PGM5: variants seen among roughly 807,000 people sequenced by gnomAD.
The protein encoded by PGM5 is phosphoglucomutase 5, also known as phosphoglucomutase-like protein 5.
PGM5 carries 23 observed loss-of-function variants against 59.2 expected under a neutral mutation model. That is an observed-to-expected ratio of 0.39 (90% CI 0.28 to 0.55). PGM5 has a LOEUF of 0.55. Among genes scored for constraint, PGM5 ranks in the 20% least tolerant of loss-of-function variants. PGM5 has a pLI of 0.66. For synonymous variants in PGM5, 214 were observed against 286.0 expected, an observed-to-expected ratio of 0.75 and a Z score of 2.54; for missense variants, 574 against 748.3, an observed-to-expected ratio of 0.77 and a Z score of 2.72.
intron 10 of PGM5, among the ~76,000 whole-genome samples, chr9:68,528,996 T>C (rs1825035262): frequency 6.6e-6 from 1 of 152,102 alleles, no homozygotes; most frequent in South Asian, 2.1e-4. Context: ...GCCCACCTCC[T>C]CCAGAAAACC....
intron 10 of PGM5, among the ~76,000 whole-genome samples, chr9:68,511,320 G>GTC (rs1554689335): frequency 6.6e-6 from 1 of 152,114 alleles, no homozygotes; most frequent in East Asian, 1.9e-4. Context: ...ATCTCTAAAT[G>GTC]TCAACAGCTA....
chr9:68,385,613 G>A (rs1554678792), intron 3 of PGM5, among the ~76,000 whole-genome samples: 1 of 152,000 alleles, frequency 6.6e-6, no homozygotes. Flanking sequence ...AGAATGCATA[G>A]GCATATGTGT....
intron 8 of PGM5, among the ~76,000 whole-genome samples, chr9:68,479,789 C>G (rs530275279): frequency 3.5e-4 from 53 of 152,260 alleles, no homozygotes; most frequent in African/African-American, 1.1e-3. Context: ...AAAAAATTAG[C>G]TGGGCGTAGT....
chr9:68,422,107 A>G (rs1587803818), intron 6 of PGM5, among the ~76,000 whole-genome samples: 1 of 151,966 alleles, frequency 6.6e-6, no homozygotes, highest in East Asian at 1.9e-4. Context: ...AAAAAAAAAA[A>G]TTTAGAAGCT....
intron 7 of PGM5, among the ~76,000 whole-genome samples, chr9:68,466,772 T>A (rs1823941703): frequency 6.6e-6 from 1 of 152,190 alleles, no homozygotes; most frequent in Non-Finnish European, 1.5e-5. Flanking sequence ...GGAGAGGTTT[T>A]TAAGTGTTCC....
At chr9:68,382,522 A>G (rs1554678411) in intron 2 of PGM5, among the ~76,000 whole-genome samples, 1 of 151,834 alleles carries the variant, frequency 6.6e-6, no homozygotes, top group African/African-American at 2.4e-5. Flanking sequence ...GACTACCTCA[A>G]ACTAAAAAGC....
At chr9:68,492,292 T>C (rs1287684727) in intron 9 of PGM5, among the ~76,000 whole-genome samples, 1 of 152,106 alleles carries the variant, frequency 6.6e-6, no homozygotes, top group Non-Finnish European at 1.5e-5. Context: ...AGAAGGTGCA[T>C]GATTTTGTTC....
At chr9:68,447,381 G>A (rs1390721303) in intron 6 of PGM5, among the ~76,000 whole-genome samples, 19 of 152,054 alleles carry the variant, frequency 1.2e-4, no homozygotes, top group African/African-American at 3.4e-4. Flanking sequence ...TCCTTCCTGC[G>A]CTGTACCATT....
intron 6 of PGM5, among the ~76,000 whole-genome samples, chr9:68,442,404 C>T (rs1823544214): frequency 6.6e-6 from 1 of 152,146 alleles, no homozygotes; most frequent in African/African-American, 2.4e-5. Context: ...CCTGCCTCAG[C>T]AGGAGCCACC....
chr9:68,492,667 G>A lies in PGM5; in HGVS notation c.1480-6560G>A, dbSNP rs148192554. ...TTTATCCATGCTGGGGGTAGAGGGGGGCACCTGTTTTTAACTCACACAAAA... is the reference window on the plus strand; with the variant it reads ...TTTATCCATGCTGGGGGTAGAGGGGAGCACCTGTTTTTAACTCACACAAAA... On this transcript the variant is annotated intron_variant, in intron 9 of 10. Coordinates refer to ENST00000396396, the MANE Select transcript of PGM5 (RefSeq NM_021965.4). Among the ~76,000 whole-genome samples, 1,183 of 152,210 alleles carry A rather than the reference G, an allele frequency of 7.8e-3. 10 individuals are homozygous for A. The highest frequency in any genetic ancestry group is 9.5e-3 in the Non-Finnish European group (647 of 68,010).
At chr9:68,490,208 G>A (rs1824367097) in intron 9 of PGM5, among the ~76,000 whole-genome samples, 1 of 152,168 alleles carries the variant, frequency 6.6e-6, no homozygotes, top group African/African-American at 2.4e-5. Context: ...AGCTCACTAA[G>A]GTGTTGTCCC....
At chr9:68,512,836 G>C (rs782148253) in intron 10 of PGM5, among the ~76,000 whole-genome samples, 1 of 152,202 alleles carries the variant, frequency 6.6e-6, no homozygotes, top group African/African-American at 2.4e-5. Context: ...TGCCACTGTT[G>C]CACAAAAGCC....
At chr9:68,362,865 C>CTTTTTTTT (rs1163826772) in intron 1 of PGM5, among the ~76,000 whole-genome samples, 22 of 96,770 alleles carry the variant, frequency 2.3e-4, no homozygotes, top group Non-Finnish European at 3.0e-4. Context: ...TTTTCTTTTT[C>CTTTTTTTT]TTTTTTTTTT....
chr9:68,363,327 C>A (rs1477493688), intron 1 of PGM5, among the ~76,000 whole-genome samples: 1 of 152,306 alleles, frequency 6.6e-6, no homozygotes, highest in Non-Finnish European at 1.5e-5. Context: ...GTGGCTAGAG[C>A]AACTGAAGAA....
At chr9:68,492,948 G>A (rs1483387645) in intron 9 of PGM5, among the ~76,000 whole-genome samples, 2 of 152,148 alleles carry the variant, frequency 1.3e-5, no homozygotes, top group Non-Finnish European at 2.9e-5. Context: ...GATTTCCTGT[G>A]GGAGATAAGA....
At chr9:68,377,836 A>G (rs1587777753) in intron 1 of PGM5, among the ~76,000 whole-genome samples, 1 of 152,300 alleles carries the variant, frequency 6.6e-6, no homozygotes, top group Middle Eastern at 3.4e-3. Context: ...TTTTCTTGTA[A>G]TCTCTAGCAT....
chr9:68,510,309 G>A (rs1030980711), intron 10 of PGM5, among the ~76,000 whole-genome samples: 2 of 151,714 alleles, frequency 1.3e-5, no homozygotes, highest in Admixed American at 6.6e-5. Context: ...CCGCCACCAC[G>A]CCCGGCTAAA....
chr9:68,526,030 T>G (rs546323641), intron 10 of PGM5, among the ~76,000 whole-genome samples: 1 of 150,044 alleles, frequency 6.7e-6, no homozygotes, highest in Non-Finnish European at 1.5e-5. Context: ...CACTCCAGCC[T>G]GGGCGACAGA....
In PGM5 at chr9:68,499,247, G is replaced by A. The variant is rs137918890; in HGVS notation, c.1500G>A (p.Ser500=). 2.4e-5 allele frequency: 38 copies of A among 1,613,986 alleles called. No individual in the cohort carries two copies. Among genetic ancestry groups the A allele is most frequent in the Admixed American group, 3.3e-5 (2 of 59,996 alleles). ...CTCAGGGCCTAAGGATCATTTTCTC[G>A]GATGCATCACGGCTCATCTTCCGGC... ...TKKQGLRIIF[S]DASRLIFRLS... is the part of the protein sequence containing the mutation. The change falls in exon 10 of 11, where the codon TCG becomes TCA. Residue 500 remains serine, a synonymous_variant. Coordinates refer to ENST00000396396, the MANE Select transcript of PGM5 (RefSeq NM_021965.4).
Sources: gnomAD v4.1 joint callset for allele counts (sites outside exome capture counted in the v4.1 genomes callset) on GRCh38, gnomAD v4.1.1 for gene constraint, MANE v1.5 for transcripts, NCBI Gene and HGNC (gene_info 2026-07-23, HGNC 2026-07-21) for gene names.